Variants in SDCCAG8 observed in about 807,000 individuals in gnomAD.
SDCCAG8 encodes the protein SHH signaling and ciliogenesis regulator SDCCAG8.
A neutral mutation model predicts 101.8 loss-of-function variants in SDCCAG8; 74 were observed. That is an observed-to-expected ratio of 0.73 (90% CI 0.60 to 0.88). The LOEUF (loss-of-function observed/expected upper bound fraction) is 0.88, where lower values mean the gene tolerates loss of function less well. Among genes scored for constraint, SDCCAG8 ranks in the 40% least tolerant of loss-of-function variants. The probability of loss-of-function intolerance (pLI) is 0.00; values close to 1 mark genes in which losing one functional copy is unlikely to be tolerated. For synonymous variants in SDCCAG8, 281 were observed against 292.9 expected, an observed-to-expected ratio of 0.96 and a Z score of 0.41; for missense variants, 787 against 822.6, an observed-to-expected ratio of 0.96 and a Z score of 0.53.
chr1:243,439,665 C>CACACACACACAT (rs1160954571), intron 16 of SDCCAG8, among the ~76,000 whole-genome samples: 1 of 151,428 alleles, frequency 6.6e-6, no homozygotes, highest in East Asian at 2.0e-4. Flanking sequence ...CACACACACA[C>CACACACACACAT]ATCATTGGAG....
chr1:243,304,818 A>G (rs1442662758), intron 7 of SDCCAG8, 41 bp downstream of exon 7: 1 of 1,115,668 alleles, frequency 9.0e-7, no homozygotes, highest in Non-Finnish European at 1.4e-6. Flanking sequence ...CCAAAAGCAT[A>G]ATGATCTTAA....
chr1:243,343,636 A>G (rs1233443156), intron 11 of SDCCAG8, among the ~76,000 whole-genome samples: 1 of 152,184 alleles, frequency 6.6e-6, no homozygotes, highest in Non-Finnish European at 1.5e-5. Flanking sequence ...TTGCCAGAAA[A>G]TCTTCCTTAA....
chr1:243,367,555 C>A (rs187225911), intron 12 of SDCCAG8, among the ~76,000 whole-genome samples: 2 of 151,980 alleles, frequency 1.3e-5, no homozygotes, highest in Admixed American at 1.3e-4. Context: ...AGTGGGTGAT[C>A]TTCACCAGTC....
intron 12 of SDCCAG8, among the ~76,000 whole-genome samples, chr1:243,369,455 A>C (rs559215162): frequency 6.6e-6 from 1 of 152,074 alleles, no homozygotes; most frequent in Non-Finnish European, 1.5e-5. Flanking sequence ...AGTCACCCAT[A>C]CTTCTTCCAT....
intron 13 of SDCCAG8, among the ~76,000 whole-genome samples, chr1:243,388,183 CA>C (rs2078439309): frequency 6.6e-6 from 1 of 152,206 alleles, no homozygotes; most frequent in African/African-American, 2.4e-5. Context: ...CTGGAGCCAG[CA>C]TGCTATCATA....
chr1:243,387,096 G>C (rs938582924), intron 13 of SDCCAG8, among the ~76,000 whole-genome samples: 2 of 152,120 alleles, frequency 1.3e-5, no homozygotes, highest in Non-Finnish European at 2.9e-5. Flanking sequence ...TTAGGCCAGG[G>C]GCGGTGGCTT....
At chr1:243,267,131 T>A in intron 1 of SDCCAG8, 1 of 156,044 alleles carries the variant, frequency 6.4e-6, no homozygotes, top group Non-Finnish European at 1.4e-5. Context: ...TAGTCCCAGT[T>A]TCTCGGGAGG....
intron 16 of SDCCAG8, among the ~76,000 whole-genome samples, chr1:243,459,728 T>C (rs576957917): frequency 6.6e-6 from 1 of 152,292 alleles, no homozygotes; most frequent in Admixed American, 6.5e-5. Context: ...CACGTCAGCC[T>C]CTTGAGTAGC....
chr1:243,334,269 G>T (rs141183614), intron 10 of SDCCAG8, among the ~76,000 whole-genome samples: 6 of 152,214 alleles, frequency 3.9e-5, no homozygotes, highest in African/African-American at 1.2e-4. Context: ...AACTGCAGCT[G>T]GGATGATCTT....
intron 6 of SDCCAG8, among the ~76,000 whole-genome samples, chr1:243,293,992 G>T (rs1311014615): frequency 6.6e-6 from 1 of 151,846 alleles, no homozygotes; most frequent in Non-Finnish European, 1.5e-5. Context: ...TTTCTGTTTG[G>T]TTCCTTTTTA....
Position 243,283,933 on chromosome 1 carries a change from G to A in SDCCAG8, c.421-2339G>A, listed in dbSNP as rs1030596169. 2.6e-5 allele frequency among the ~76,000 whole-genome samples: 4 copies of A among 151,994 alleles called. No homozygotes were observed. The East Asian group carries it at 7.7e-4, about 29-fold the overall frequency. On this transcript the variant is annotated intron_variant, in intron 4 of 17. Transcript: ENST00000366541. ...TTTTTTTTGCATTTTTAGTAGAGATGGGGTTTCACTATGTTGGTCAGGCTG... is the reference window on the plus strand; with the variant it reads ...TTTTTTTTGCATTTTTAGTAGAGATAGGGTTTCACTATGTTGGTCAGGCTG...
Position 243,416,323 on chromosome 1 carries a change from A to G in SDCCAG8, c.1744+494A>G, listed in dbSNP as rs2148014701. Among the ~76,000 whole-genome samples the G allele has an allele frequency of 6.6e-6, 1 of 152,308 alleles. No individual in the cohort carries two copies. Among genetic ancestry groups the G allele is most frequent in the South Asian group, 2.1e-4 (1 of 4,828 alleles). ...TTGCTTCAGCATCCAAACTGGAGAA[A>G]AGCTTTAGCCATTAATCGGTTCTTA... On this transcript the variant is annotated intron_variant, in intron 14 of 17. Transcript: ENST00000366541. The surrounding 1 kb of genome is among the most constrained non-coding windows in gnomAD (Gnocchi z 4.3).
intron 1 of SDCCAG8, among the ~76,000 whole-genome samples, chr1:243,261,968 A>G (rs528795263): frequency 1.3e-3 from 188 of 140,300 alleles, no homozygotes; most frequent in Non-Finnish European, 1.1e-3. Flanking sequence ...GTGCCAACAC[A>G]CCTGGCTAAT....
At chr1:243,441,049 CCTT>C (rs1440078839) in intron 16 of SDCCAG8, among the ~76,000 whole-genome samples, 1 of 152,122 alleles carries the variant, frequency 6.6e-6, no homozygotes, top group African/African-American at 2.4e-5. Flanking sequence ...ACCATTTTCT[CCTT>C]CTTATCTATG....
intron 17 of SDCCAG8, among the ~76,000 whole-genome samples, chr1:243,492,173 G>T (rs1666601630): frequency 6.6e-6 from 1 of 151,658 alleles, no homozygotes. Flanking sequence ...GGAGCCCCTG[G>T]TAGTGGTAGC....
At chr1:243,397,978 C>G (rs1422153566) in intron 13 of SDCCAG8, among the ~76,000 whole-genome samples, 1 of 152,202 alleles carries the variant, frequency 6.6e-6, no homozygotes, top group Non-Finnish European at 1.5e-5. Flanking sequence ...CACAGTTTTC[C>G]TTGAAAATTT....
intron 16 of SDCCAG8, among the ~76,000 whole-genome samples, chr1:243,481,094 G>A (rs879296841): frequency 5.3e-5 from 8 of 152,026 alleles, no homozygotes; most frequent in East Asian, 1.9e-4. Context: ...AGAGAGGCCC[G>A]AGGCTGAGAT....
chr1:243,318,445 A>C, intron 9 of SDCCAG8: 378 of 427,422 alleles, frequency 8.8e-4, no homozygotes, highest in Non-Finnish European at 1.1e-3. Flanking sequence ...CTGTATAACA[A>C]AACCCCGTGA....
chr1:243,288,406 C>T (rs1196367500), intron 5 of SDCCAG8, among the ~76,000 whole-genome samples: 5 of 151,894 alleles, frequency 3.3e-5, no homozygotes, highest in Non-Finnish European at 7.4e-5. Flanking sequence ...GTCAAGGCTG[C>T]AGTAAGCCCT....
Sources: allele counts gnomAD v4.1 joint callset (sites outside exome capture counted in the v4.1 genomes callset), GRCh38; gene constraint gnomAD v4.1.1; non-coding constraint Gnocchi (gnomAD v3.1); transcripts MANE v1.5; gene names NCBI Gene and HGNC (gene_info 2026-07-23, HGNC 2026-07-21).